GLDN: variants seen among roughly 807,000 people sequenced by gnomAD.
GLDN encodes the protein gliomedin, also known as collomin.
Under a neutral mutation model 56.5 loss-of-function variants are expected in GLDN, and 47 were observed. That is an observed-to-expected ratio of 0.83 (90% CI 0.66 to 1.06). GLDN has a LOEUF of 1.06. Among genes scored for constraint, GLDN ranks in the 50% least tolerant of loss-of-function variants. GLDN has a pLI of 0.00. For missense variants in GLDN, 782 were observed against 714.3 expected (o/e 1.09, Z -1.08); for synonymous variants, 332 against 278.8 (o/e 1.19, Z -1.90).
chr15:51,383,862 A>G lies in GLDN; in HGVS notation c.511A>G (p.Lys171Glu). 6.2e-7 allele frequency: 1 copy of G among 1,612,616 alleles called. No individual in the cohort carries two copies. Among genetic ancestry groups the G allele is most frequent in the Admixed American group, 1.7e-5 (1 of 59,868 alleles). The change falls in exon 4 of 10, where the codon AAA (lysine) becomes GAA (glutamate). Residue 171 changes from lysine to glutamate, a missense_variant. Coordinates refer to ENST00000335449, the MANE Select transcript of GLDN (RefSeq NM_181789.4). ...TGGTCCTCAGGGCCCAAAAGGAGAA[A>G]AAGGAGCAAATGGAAAAAGAGGAAA... The part of the protein sequence containing the change: ...QPGPQGPKGE[K>E]GANGKRGKMG...
chr15:51,352,404 G>C (rs570004822), intron 1 of GLDN, among the ~76,000 whole-genome samples: 1 of 152,154 alleles, frequency 6.6e-6, no homozygotes, highest in Non-Finnish European at 1.5e-5. Flanking sequence ...TAGGAATTTG[G>C]GGGTACACAA....
chr15:51,383,735 A>AT (rs11306243), intron 3 of GLDN, 50 bp from the exon 4 acceptor site: 49,342 of 1,145,490 alleles, frequency 0.043, 452 homozygotes, highest in African/African-American at 0.15. Flanking sequence ...TCAGTGAATA[A>AT]TTTTTTTTTT....
chr15:51,365,677 C>T (rs922826546), intron 1 of GLDN, among the ~76,000 whole-genome samples: 35 of 152,294 alleles, frequency 2.3e-4, no homozygotes, highest in African/African-American at 7.9e-4. Flanking sequence ...TTACACTACA[C>T]CTTTGGCCTC....
intron 6 of GLDN, 63 bp from the exon 7 acceptor site, chr15:51,400,129 A>G: frequency 1.4e-6 from 2 of 1,406,942 alleles, no homozygotes; most frequent in Admixed American, 1.7e-5. Context: ...CAGCAGCTAT[A>G]AAGTCCAACA....
downstream of GLDN, among the ~76,000 whole-genome samples, chr15:51,410,200 G>T (rs1038433647): frequency 2.6e-5 from 4 of 152,224 alleles, no homozygotes; most frequent in Admixed American, 2.6e-4. Flanking sequence ...AAAGTCCTTA[G>T]ATATCACCCC....
intron 1 of GLDN, among the ~76,000 whole-genome samples, chr15:51,373,730 G>A (rs1045859903): frequency 2.0e-5 from 3 of 152,332 alleles, no homozygotes; most frequent in African/African-American, 7.2e-5. Context: ...GAGAGCACTG[G>A]GAGATGCCCT....
Position 51,404,779 on chromosome 15 carries a change from C to A in GLDN, c.*25C>A. The A allele has an allele frequency of 8.0e-7, 1 of 1,244,970 alleles. No individual in the cohort carries two copies. The highest frequency in any genetic ancestry group is 1.2e-6 in the Non-Finnish European group (1 of 863,462). The allele number at this position is 1,244,970 out of a possible 1,614,324, so 77.1% of individuals were successfully genotyped here. On this transcript the variant is annotated 3_prime_UTR_variant, in exon 10 of 10. Coordinates refer to ENST00000335449, the MANE Select transcript of GLDN (RefSeq NM_181789.4). ...ATGTGCTGCATTCGGCTCCCTTCAG[C>A]AAATTTCAGGGGTTTTCTGGGACCA...
intron 1 of GLDN, among the ~76,000 whole-genome samples, chr15:51,352,694 C>T (rs1419784241): frequency 6.6e-6 from 1 of 152,200 alleles, no homozygotes; most frequent in African/African-American, 2.4e-5. Flanking sequence ...GATTTCACAG[C>T]TCCCACCCCT....
At chr15:51,411,833 C>T (rs964297871), downstream of GLDN, among the ~76,000 whole-genome samples, 1 of 152,158 alleles carries the variant, frequency 6.6e-6, no homozygotes, top group African/African-American at 2.4e-5. Flanking sequence ...CAGATCTAAC[C>T]TGAAGGACAT....
rs116187712 is a variant in GLDN, at chr15:51,357,286, G to A, written c.363+15239G>A. On this transcript the variant is annotated intron_variant, in intron 1 of 9. Coordinates refer to ENST00000335449, the MANE Select transcript of GLDN (RefSeq NM_181789.4). ...GTAACACTTGCCACTGTGGTCCACGGCTTCATTCCTTGAAGCCTGTGAGAC... is the reference window on the plus strand; with the variant it reads ...GTAACACTTGCCACTGTGGTCCACGACTTCATTCCTTGAAGCCTGTGAGAC... Among the ~76,000 whole-genome samples the A allele has an allele frequency of 8.4e-3, 1,277 of 152,262 alleles. 20 individuals carry two copies. The highest frequency in any genetic ancestry group is 0.029 in the African/African-American group (1,204 of 41,542).
At chr15:51,358,421 C>T (rs2037227833) in intron 1 of GLDN, among the ~76,000 whole-genome samples, 1 of 152,210 alleles carries the variant, frequency 6.6e-6, no homozygotes, top group Non-Finnish European at 1.5e-5. Context: ...ACCTAAGACT[C>T]ACTCTTAGAT....
intron 2 of GLDN, among the ~76,000 whole-genome samples, chr15:51,378,440 G>A (rs1402062155): frequency 6.6e-6 from 1 of 152,134 alleles, no homozygotes; most frequent in Non-Finnish European, 1.5e-5. Context: ...AGTTACATGC[G>A]ACAGTAATGA....
intron 1 of GLDN, among the ~76,000 whole-genome samples, chr15:51,376,082 T>C (rs2037624644): frequency 6.6e-6 from 1 of 152,248 alleles, no homozygotes; most frequent in Non-Finnish European, 1.5e-5. Context: ...TTCTTTCAAG[T>C]GTTATGTTAA....
downstream of GLDN, among the ~76,000 whole-genome samples, chr15:51,410,770 T>TA (rs1234954842): frequency 2.6e-5 from 4 of 152,206 alleles, no homozygotes; most frequent in East Asian, 3.8e-4. Context: ...TGAAATATAC[T>TA]AAAAAATGTA....
intron 5 of GLDN, 75 bp downstream of exon 5, chr15:51,395,056 T>A: frequency 1.4e-6 from 2 of 1,391,656 alleles, no homozygotes; most frequent in Non-Finnish European, 1.9e-6. Context: ...ACACCAGGGC[T>A]GCTCCTGTGT....
In GLDN at chr15:51,406,415, C is replaced by A. The variant is rs1480757531; in HGVS notation, c.*1661C>A. 6.6e-6 allele frequency: 1 copy of A among 152,216 alleles called. No homozygotes were observed. Among genetic ancestry groups the A allele is most frequent in the Non-Finnish European group, 1.5e-5 (1 of 68,034 alleles). The allele number at this position is 152,216 out of a possible 1,614,324, so 9.4% of individuals were successfully genotyped here. ...ATCTTATGTAAAGATTTTTCAGCAA[C>A]TTGTCCCAATTTGTGTGTATTCTGA... On this transcript the variant is annotated 3_prime_UTR_variant, in exon 10 of 10. Transcript: ENST00000335449.
chr15:51,400,122 C>G (rs1239788701), intron 6 of GLDN, 70 bp from the exon 7 acceptor site: 1 of 1,287,300 alleles, frequency 7.8e-7, no homozygotes, highest in Non-Finnish European at 1.1e-6. Flanking sequence ...GGAAGAGCAG[C>G]AGCTATAAAG....
chr15:51,378,857 C>G (rs1432718922), intron 2 of GLDN, among the ~76,000 whole-genome samples: 2 of 152,168 alleles, frequency 1.3e-5, no homozygotes, highest in African/African-American at 4.8e-5. Flanking sequence ...AGGTGAGTGA[C>G]AGGACCCAGG....
intron 4 of GLDN, chr15:51,385,030 C>T (rs1399191830): frequency 1.3e-5 from 2 of 152,184 alleles, no homozygotes; most frequent in Non-Finnish European, 2.9e-5. Flanking sequence ...TGCTTGTGTT[C>T]CAGAGGGCAG....
Sources: gnomAD v4.1 joint callset for allele counts (sites outside exome capture counted in the v4.1 genomes callset) on GRCh38, gnomAD v4.1.1 for gene constraint, MANE v1.5 for transcripts, NCBI Gene and HGNC (gene_info 2026-07-23, HGNC 2026-07-21) for gene names.